Variants in GRIN3A observed in about 807,000 individuals in gnomAD.
GRIN3A encodes glutamate ionotropic receptor NMDA type subunit 3A.
Under a neutral mutation model 92.4 loss-of-function variants are expected in GRIN3A, and 47 were observed. That is an observed-to-expected ratio of 0.51 (90% CI 0.40 to 0.65). The LOEUF (loss-of-function observed/expected upper bound fraction) is 0.65, where lower values mean the gene tolerates loss of function less well. Among genes scored for constraint, GRIN3A ranks in the 30% least tolerant of loss-of-function variants. The pLI is 0.00. For synonymous variants in GRIN3A, 527 were observed against 540.6 expected (o/e 0.97, Z 0.35); for missense variants, 1,324 against 1,393.1 (o/e 0.95, Z 0.79).
chr9:101,676,018 A>G (rs1292799975), intron 2 of GRIN3A, among the ~76,000 whole-genome samples: 2 of 151,858 alleles, frequency 1.3e-5, no homozygotes, highest in Non-Finnish European at 2.9e-5. Flanking sequence ...GTCTTATTTG[A>G]CACATCAAGT....
chr9:101,709,884 A>T (rs13298667), intron 1 of GRIN3A, among the ~76,000 whole-genome samples: 27,274 of 152,194 alleles, frequency 0.18, 2,514 homozygotes, highest in Admixed American at 0.21. Context: ...GTTATGAAAG[A>T]CTCAGAGAAT....
chr9:101,628,110 G>T, intron 4 of GRIN3A, 146 bp downstream of exon 4: 1 of 711,830 alleles, frequency 1.4e-6, no homozygotes, highest in Non-Finnish European at 2.4e-6. Context: ...ACCATCTCCT[G>T]GGATCTCACA....
chr9:101,586,861 C>A (rs1378649346), intron 6 of GRIN3A, among the ~76,000 whole-genome samples: 1 of 152,192 alleles, frequency 6.6e-6, no homozygotes, highest in African/African-American at 2.4e-5. Flanking sequence ...GGAGATGAGT[C>A]ATTTCCAATG....
chr9:101,688,161 A>C (rs570009299), intron 1 of GRIN3A, among the ~76,000 whole-genome samples: 7 of 152,350 alleles, frequency 4.6e-5, no homozygotes, highest in South Asian at 2.1e-4. Context: ...AATAATATGC[A>C]TTAAGAAATG....
intron 1 of GRIN3A, among the ~76,000 whole-genome samples, chr9:101,696,446 G>C (rs1829685438): frequency 6.6e-6 from 1 of 152,174 alleles, no homozygotes; most frequent in Non-Finnish European, 1.5e-5. Flanking sequence ...ATATCATAAA[G>C]AGTAAGATTA....
intron 6 of GRIN3A, among the ~76,000 whole-genome samples, chr9:101,608,861 A>G (rs887690770): frequency 9.2e-5 from 14 of 152,220 alleles, no homozygotes; most frequent in Non-Finnish European, 4.4e-5. Context: ...GGATAATATT[A>G]AGGGAAGCCA....
At chr9:101,660,535 A>G (rs62576262) in intron 3 of GRIN3A, among the ~76,000 whole-genome samples, 19,804 of 151,790 alleles carry the variant, frequency 0.13, 1,560 homozygotes, top group Admixed American at 0.19. Context: ...CATAAGAAAG[A>G]TTTAGTCTGT....
Position 101,628,339 on chromosome 9 carries a change from A to G in GRIN3A, c.2415T>C (p.Tyr805=), listed in dbSNP as rs749743302. ...GCATCTCTGGGAAACTTTGTCTCAC[A>G]TAATCTTCAGCACTGCTTTCTCGGA... ...GTVRESSAED[Y]VRQSFPEMHE... Residue 805 remains tyrosine (Y), a synonymous_variant, in exon 4 of 9, where the codon TAT becomes TAC. Coordinates refer to ENST00000361820, the MANE Select transcript of GRIN3A (RefSeq NM_133445.3). 6.2e-6 allele frequency: 10 copies of G among 1,613,978 alleles called. No individual in the cohort carries two copies. Among genetic ancestry groups the G allele is most frequent in the South Asian group, 4.4e-5 (4 of 91,084 alleles).
chr9:101,673,526 T>A (rs1054111260), intron 2 of GRIN3A, among the ~76,000 whole-genome samples: 4 of 152,294 alleles, frequency 2.6e-5, no homozygotes, highest in African/African-American at 9.6e-5. Flanking sequence ...AGTCTTACGA[T>A]AAGGGTGAAT....
chr9:101,720,341 G>A (rs1418806423), intron 1 of GRIN3A, among the ~76,000 whole-genome samples: 28 of 152,168 alleles, frequency 1.8e-4, no homozygotes, highest in Non-Finnish European at 4.4e-5. Flanking sequence ...TTTTTTAAAT[G>A]GCACAGTAGG....
chr9:101,590,672 G>A (rs1373576003), intron 6 of GRIN3A, among the ~76,000 whole-genome samples: 4 of 152,018 alleles, frequency 2.6e-5, no homozygotes, highest in Non-Finnish European at 5.9e-5. Flanking sequence ...GAGCCACCGC[G>A]CCCGGCCAAC....
chr9:101,684,094 T>TTTTCTTTCTTTC (rs542469654), intron 2 of GRIN3A, among the ~76,000 whole-genome samples: 6 of 144,330 alleles, frequency 4.2e-5, no homozygotes, highest in African/African-American at 1.3e-4. Flanking sequence ...CTTCCTGTCT[T>TTTTCTTTCTTTC]TTTCTTTCTT....
At chr9:101,675,510 C>T (rs1829383634) in intron 2 of GRIN3A, among the ~76,000 whole-genome samples, 1 of 151,928 alleles carries the variant, frequency 6.6e-6, no homozygotes. Flanking sequence ...CCACAATACT[C>T]ACTATGTGCC....
At chr9:101,597,431 T>C (rs909109601) in intron 6 of GRIN3A, among the ~76,000 whole-genome samples, 6 of 152,222 alleles carry the variant, frequency 3.9e-5, no homozygotes, top group African/African-American at 1.2e-4. Flanking sequence ...GACAGGTCCA[T>C]TAGTGCTGAC....
At chr9:101,628,211 T>G (rs368874556) in intron 4 of GRIN3A, 45 bp downstream of exon 4, 10 of 1,604,246 alleles carry the variant, frequency 6.2e-6, no homozygotes, top group Non-Finnish European at 8.5e-6. Context: ...AAATTACTTC[T>G]CTTCAGTGAG....
At chr9:101,649,188 C>A (rs1828978377) in intron 3 of GRIN3A, among the ~76,000 whole-genome samples, 1 of 152,026 alleles carries the variant, frequency 6.6e-6, no homozygotes, top group Admixed American at 6.6e-5. Flanking sequence ...GAACTTAATC[C>A]TTGCCTTATA....
intron 3 of GRIN3A, among the ~76,000 whole-genome samples, chr9:101,657,224 C>A (rs1270317386): frequency 2.6e-5 from 4 of 151,770 alleles, no homozygotes; most frequent in Non-Finnish European, 5.9e-5. Flanking sequence ...GGTGAGCAAC[C>A]CTGTTTCATG....
At chr9:101,711,579 T>G (rs1386719965) in intron 1 of GRIN3A, among the ~76,000 whole-genome samples, 2 of 152,168 alleles carry the variant, frequency 1.3e-5, no homozygotes, top group African/African-American at 4.8e-5. Flanking sequence ...AAGGGTTTGC[T>G]GCTTCTTGTC....
chr9:101,730,069 C>T (rs937418683), intron 1 of GRIN3A, among the ~76,000 whole-genome samples: 5 of 152,160 alleles, frequency 3.3e-5, no homozygotes, highest in African/African-American at 9.7e-5. Flanking sequence ...CATGCTTCTT[C>T]TTAACCTTGA....
Sources: gnomAD v4.1 joint callset for allele counts (sites outside exome capture counted in the v4.1 genomes callset) on GRCh38, gnomAD v4.1.1 for gene constraint, MANE v1.5 for transcripts, NCBI Gene and HGNC (gene_info 2026-07-23, HGNC 2026-07-21) for gene names.